CAST: variants seen among roughly 807,000 people sequenced by gnomAD.
The protein encoded by CAST is calpastatin.
Under a neutral mutation model 119.6 loss-of-function variants are expected in CAST, and 76 were observed. The observed-to-expected ratio is 0.64, with a 90% CI of 0.53 to 0.77. CAST has a LOEUF of 0.77. Ranked by LOEUF, CAST falls within the 30% of genes least tolerant of loss-of-function variation. CAST has a pLI of 0.00. For missense variants in CAST, 953 were observed against 946.5 expected (o/e 1.01, Z -0.09); for synonymous variants, 319 against 331.6 (o/e 0.96, Z 0.41).
the CAST span, among the ~76,000 whole-genome samples, chr5:96,440,221 A>G: frequency 6.1e-5 from 9 of 148,158 alleles, no homozygotes; most frequent in South Asian, 8.6e-4. Context: ...CCTTAACTCT[A>G]TAAGGGGAAA....
chr5:96,521,837 G>C (rs1745523356), upstream of CAST, among the ~76,000 whole-genome samples: 1 of 152,214 alleles, frequency 6.6e-6, no homozygotes, highest in Non-Finnish European at 1.5e-5. Context: ...AAAATGACTA[G>C]GCCGGGTGCG....
At chr5:95,991,512 T>G in the CAST span, among the ~76,000 whole-genome samples, 5 of 145,182 alleles carry the variant, frequency 3.4e-5, no homozygotes, top group Admixed American at 6.8e-5. Context: ...TTTTTTTTTT[T>G]TTTTTTTTTT....
At chr5:96,005,963 G>A in the CAST span, among the ~76,000 whole-genome samples, 2 of 152,056 alleles carry the variant, frequency 1.3e-5, no homozygotes, top group Admixed American at 1.3e-4. Flanking sequence ...ATAAGGTATT[G>A]TATCTTGTTT....
At position 96,742,505 on chromosome 5, in the gene CAST, T is replaced by G. The variant is rs1355758266; in HGVS notation, c.1099-150T>G. On this transcript the variant is annotated intron_variant, in intron 15 of 31. Transcript: ENST00000675179. ...TAAGTTCTTTTTCCTTTCTCTCTTT[T>G]GCAAGGTTTCAAATAAAATTGCCTT... is the stretch of plus-strand genomic sequence containing the variant. 2.8e-5 allele frequency: 17 copies of G among 611,066 alleles called. No individual in the cohort carries two copies. The East Asian group carries it at 4.5e-4, about 16-fold the overall frequency. The allele number at this position is 611,066 out of a possible 1,614,324, so 37.9% of individuals were successfully genotyped here.
the CAST span, among the ~76,000 whole-genome samples, chr5:96,480,995 A>G: frequency 2.6e-5 from 4 of 152,324 alleles, no homozygotes; most frequent in African/African-American, 7.2e-5. Flanking sequence ...CAACCAAAGA[A>G]CAAGATTGTC....
At chr5:96,293,356 G>A in the CAST span, among the ~76,000 whole-genome samples, 7 of 152,178 alleles carry the variant, frequency 4.6e-5, no homozygotes, top group Non-Finnish European at 8.8e-5. Context: ...TCAGCTCACT[G>A]CAACCTCCAC....
the CAST span, among the ~76,000 whole-genome samples, chr5:96,410,493 C>T: frequency 2.0e-5 from 3 of 151,912 alleles, no homozygotes; most frequent in African/African-American, 7.3e-5. Context: ...GCAGAAAAGA[C>T]ATTTGGAGTC....
At chr5:96,123,469 A>T in the CAST span, among the ~76,000 whole-genome samples, 5 of 152,132 alleles carry the variant, frequency 3.3e-5, no homozygotes, top group Non-Finnish European at 5.9e-5. Context: ...ATGATGTGGA[A>T]CTCAGAAATA....
At chr5:96,714,765 G>A (rs1756895035) in intron 3 of CAST, 1 of 152,160 alleles carries the variant, frequency 6.6e-6, no homozygotes, top group African/African-American at 2.4e-5. Flanking sequence ...GACTGACCTA[G>A]GCTGTGTGGC....
At chr5:96,543,888 T>C (rs1745958635) in intron 1 of CAST, among the ~76,000 whole-genome samples, 4 of 152,198 alleles carry the variant, frequency 2.6e-5, no homozygotes, top group African/African-American at 9.7e-5. Flanking sequence ...AATCTGTTTC[T>C]GGGCTCTCTA....
the CAST span, among the ~76,000 whole-genome samples, chr5:96,401,298 A>G: frequency 1.8e-4 from 27 of 152,198 alleles, 1 homozygote; most frequent in African/African-American, 6.3e-4. Context: ...GAGTGTTAAG[A>G]AGTGGAGATA....
At chr5:96,547,244 G>A (rs867764692) in intron 1 of CAST, among the ~76,000 whole-genome samples, 2 of 152,076 alleles carry the variant, frequency 1.3e-5, no homozygotes, top group Admixed American at 6.6e-5. Flanking sequence ...TATGCCATAC[G>A]CAAGCTGAAG....
At chr5:96,063,487 G>A in the CAST span, among the ~76,000 whole-genome samples, 1 of 152,094 alleles carries the variant, frequency 6.6e-6, no homozygotes, top group South Asian at 2.1e-4. Context: ...CTCCATAGTT[G>A]TTGATCCCAA....
At chr5:96,011,688 A>G in the CAST span, among the ~76,000 whole-genome samples, 1 of 152,338 alleles carries the variant, frequency 6.6e-6, no homozygotes, top group Non-Finnish European at 1.5e-5. Flanking sequence ...TTGCATTTGC[A>G]CATAAATTAT....
At chr5:96,612,868 T>C (rs1747388169) in intron 1 of CAST, among the ~76,000 whole-genome samples, 1 of 152,184 alleles carries the variant, frequency 6.6e-6, no homozygotes. Flanking sequence ...CACACATATA[T>C]ACATACATAC....
the CAST span, among the ~76,000 whole-genome samples, chr5:96,250,321 C>A: frequency 2.0e-5 from 3 of 152,172 alleles, no homozygotes; most frequent in Admixed American, 1.3e-4. Flanking sequence ...GGTGACCCAG[C>A]AAATTCATCA....
At chr5:96,646,110 A>T (rs1327591691) in intron 1 of CAST, among the ~76,000 whole-genome samples, 2 of 152,080 alleles carry the variant, frequency 1.3e-5, no homozygotes, top group Non-Finnish European at 2.9e-5. Context: ...TTACAAAGAT[A>T]AAAAAATTGA....
chr5:96,117,011 C>A, the CAST span, among the ~76,000 whole-genome samples: 1 of 152,140 alleles, frequency 6.6e-6, no homozygotes, highest in Non-Finnish European at 1.5e-5. Flanking sequence ...GTGGCTGTAC[C>A]CTGGCTTGCT....
chr5:96,496,499 G>C, the CAST span, among the ~76,000 whole-genome samples: 2 of 152,188 alleles, frequency 1.3e-5, no homozygotes, highest in Non-Finnish European at 2.9e-5. Context: ...CATATGGATA[G>C]GCTTAGACTC....
Sources: allele counts gnomAD v4.1 joint callset (sites outside exome capture counted in the v4.1 genomes callset), GRCh38; gene constraint gnomAD v4.1.1; transcripts MANE v1.5; gene names NCBI Gene and HGNC (gene_info 2026-07-23, HGNC 2026-07-21).